The following CC2D2B variants were observed in gnomAD, a reference collection of about 807,000 sequenced individuals.
CC2D2B encodes coiled-coil and C2 domain containing 2B, also known as protein CC2D2B.
Under a neutral mutation model 161.2 loss-of-function variants are expected in CC2D2B, and 128 were observed. The observed-to-expected ratio is 0.79, with a 90% confidence interval of 0.69 to 0.92. CC2D2B has a LOEUF of 0.92. CC2D2B is among the 40% of genes least tolerant of loss of function. The probability of loss-of-function intolerance (pLI) is 0.00; values close to 1 mark genes in which losing one functional copy is unlikely to be tolerated. For missense variants in CC2D2B, 1,173 were observed against 1,375.1 expected (o/e 0.85, Z 2.32); for synonymous variants, 391 against 449.8 (o/e 0.87, Z 1.65).
rs370059779 is a variant in CC2D2B, at chr10:95,924,518, C to CCT, written c.174+139_174+140dup. ...ATAGCTCCTTAATTCCTAAAGTCTT[C>CCT]CTCTCTCTCTCTATATATATATTTT... On this transcript the variant is annotated intron_variant, in intron 4 of 34. Transcript: ENST00000646931. 7.3e-3 allele frequency: 3,901 copies of CCT among 535,044 alleles called. 34 individuals carry two copies. The highest frequency in any genetic ancestry group is 0.036 in the East Asian group (1,181 of 32,700). The allele number at this position is 535,044 out of a possible 1,614,324, so 33.1% of individuals were successfully genotyped here.
chr10:95,929,108 G>T (rs1360860644), intron 6 of CC2D2B, among the ~76,000 whole-genome samples: 1 of 152,098 alleles, frequency 6.6e-6, no homozygotes, highest in Non-Finnish European at 1.5e-5. Context: ...GGTGTGAGAT[G>T]GTATCTCATT....
At chr10:95,958,098 A>T (rs1336429280) in intron 11 of CC2D2B, among the ~76,000 whole-genome samples, 3 of 152,012 alleles carry the variant, frequency 2.0e-5, no homozygotes, top group African/African-American at 7.2e-5. Flanking sequence ...TCAATGGCAG[A>T]TCTACCAGAT....
intron 10 of CC2D2B, among the ~76,000 whole-genome samples, chr10:95,954,704 A>G (rs573983566): frequency 6.6e-6 from 1 of 152,272 alleles, no homozygotes; most frequent in African/African-American, 2.4e-5. Flanking sequence ...TGATCCTCAT[A>G]AAAATTGGGT....
At chr10:95,949,565 C>T (rs1440742688) in intron 9 of CC2D2B, among the ~76,000 whole-genome samples, 4 of 123,676 alleles carry the variant, frequency 3.2e-5, no homozygotes, top group Admixed American at 1.7e-4. Context: ...CTAGATGACA[C>T]GTTAGTGGGT....
At chr10:96,011,486 C>T (rs1002433578) in intron 26 of CC2D2B, among the ~76,000 whole-genome samples, 9 of 152,226 alleles carry the variant, frequency 5.9e-5, no homozygotes, top group South Asian at 2.1e-4. Context: ...TTGAATGATA[C>T]GATCTATATC....
chr10:95,945,029 T>C (rs1190553442), intron 9 of CC2D2B, among the ~76,000 whole-genome samples: 1 of 152,208 alleles, frequency 6.6e-6, no homozygotes, highest in Non-Finnish European at 1.5e-5. Context: ...CTTTTGCCCT[T>C]CCACCATCTG....
chr10:95,989,888 G>A (rs1284827282), intron 20 of CC2D2B, among the ~76,000 whole-genome samples: 3 of 152,088 alleles, frequency 2.0e-5, no homozygotes, highest in Non-Finnish European at 1.5e-5. Flanking sequence ...GGCCTATTAC[G>A]GCCATAGGTA....
At chr10:95,941,989 A>G (rs530365018) in intron 9 of CC2D2B, among the ~76,000 whole-genome samples, 4 of 152,338 alleles carry the variant, frequency 2.6e-5, no homozygotes, top group African/African-American at 9.6e-5. Flanking sequence ...GTATGTAGCC[A>G]TAAATAATAA....
chr10:95,980,684 T>C (rs1470298751), intron 17 of CC2D2B, among the ~76,000 whole-genome samples: 1 of 152,176 alleles, frequency 6.6e-6, no homozygotes, highest in Non-Finnish European at 1.5e-5. Flanking sequence ...GTAATTTTCC[T>C]TACATCTTAC....
In CC2D2B at chr10:96,012,532, T is replaced by G; in HGVS notation, c.3229T>G (p.Phe1077Val). The change falls in exon 28 of 35, where the codon TTT (phenylalanine) becomes GTT (valine). Residue 1077 changes from phenylalanine (F) to valine (V), a missense_variant and splice_region_variant. Phe to Val is a conservative substitution (Grantham distance 50, BLOSUM62 -1). Around this residue, in one of 3 missense-constraint regions of CC2D2B, gnomAD observed 598 missense variants for 693.2 expected, o/e 0.86. Transcript: ENST00000646931. ...TGAAATACTTTACATTTTATTGTAG[T>G]TTTTAGATCAAACAGAGGTCTTGCA... is the stretch of plus-strand genomic sequence containing the variant. ...YVTCNPTLDK[F>V]LDQTEVLQRA... 6 of 1,595,976 alleles carry G rather than the reference T, an allele frequency of 3.8e-6. No individual in the cohort carries two copies. Among genetic ancestry groups the G allele is most frequent in the Non-Finnish European group, 5.2e-6 (6 of 1,164,106 alleles).
intron 4 of CC2D2B, 30 bp downstream of exon 4, chr10:95,924,420 A>C: frequency 8.9e-6 from 11 of 1,240,080 alleles, no homozygotes; most frequent in Non-Finnish European, 1.2e-5. Context: ...CCTGTTTTCA[A>C]ATTTACTATT....
intron 12 of CC2D2B, among the ~76,000 whole-genome samples, chr10:95,964,256 T>A (rs1171236848): frequency 6.6e-6 from 1 of 152,182 alleles, no homozygotes; most frequent in Non-Finnish European, 1.5e-5. Flanking sequence ...TTCAATAGTT[T>A]CCCTCAGAAG....
In CC2D2B at chr10:96,019,214, T is replaced by C. The variant is rs774809238; in HGVS notation, c.3642T>C (p.Ala1214=). The change falls in exon 31 of 35, where the codon GCT becomes GCC. Residue 1214 remains alanine, a synonymous_variant. Coordinates refer to ENST00000646931, the MANE Select transcript of CC2D2B (RefSeq NM_001349008.3). The stretch of plus-strand genomic sequence containing the variant: ...TTTTTCTCATACAGGGGCATGTGGC[T>C]TATGTAGTAACTCAAGAAACTAATG... ...LGTSVLEGHV[A]YVVTQETNEY... The C allele has an allele frequency of 4.2e-5, 67 of 1,602,218 alleles. No homozygotes were observed. Among genetic ancestry groups the C allele is most frequent in the Non-Finnish European group, 5.7e-5 (67 of 1,176,432 alleles).
intron 12 of CC2D2B, among the ~76,000 whole-genome samples, chr10:95,964,417 C>T (rs1738000540): frequency 6.6e-6 from 1 of 152,106 alleles, no homozygotes; most frequent in African/African-American, 2.4e-5. Context: ...TTTTAAAATG[C>T]TTCCCTGGTG....
intron 25 of CC2D2B, among the ~76,000 whole-genome samples, chr10:96,009,097 A>C (rs2078879274): frequency 6.6e-6 from 1 of 152,058 alleles, no homozygotes; most frequent in African/African-American, 2.4e-5. Context: ...ACTGTTATAA[A>C]TATAGTGACT....
chr10:95,943,413 A>G (rs1367271568), intron 9 of CC2D2B, among the ~76,000 whole-genome samples: 2 of 152,030 alleles, frequency 1.3e-5, no homozygotes, highest in Non-Finnish European at 2.9e-5. Context: ...TCTATTATAA[A>G]TCTTGTCCGT....
chr10:96,012,503 A>G (rs2079036621), intron 27 of CC2D2B, 29 bp from the exon 28 acceptor site: 2 of 1,489,198 alleles, frequency 1.3e-6, no homozygotes, highest in East Asian at 4.5e-5. Flanking sequence ...ATACAGTACA[A>G]TTCTGAAATA....
intron 28 of CC2D2B, among the ~76,000 whole-genome samples, chr10:96,013,441 C>T (rs1332341059): frequency 1.3e-5 from 2 of 149,852 alleles, no homozygotes; most frequent in Non-Finnish European, 3.0e-5. Context: ...CTTTAAAGTA[C>T]ATGTTTAATG....
chr10:95,913,518 C>G (rs1249140773), intron 2 of CC2D2B: 1 of 282,732 alleles, frequency 3.5e-6, no homozygotes, highest in Non-Finnish European at 7.0e-6. Context: ...GTAGCTATAT[C>G]TTCAGTTTTT....
Sources: gnomAD v4.1 joint callset for allele counts (sites outside exome capture counted in the v4.1 genomes callset) on GRCh38, gnomAD v4.1.1 for gene constraint, gnomAD v4.1.1 regional missense constraint, MANE v1.5 for transcripts, NCBI Gene and HGNC (gene_info 2026-07-23, HGNC 2026-07-21) for gene names.